The following CMC1 variants were observed in gnomAD, a reference collection of about 807,000 sequenced individuals.
The protein encoded by CMC1 is COX assembly mitochondrial protein homolog.
Under a neutral mutation model 14.1 loss-of-function variants are expected in CMC1, and 14 were observed. The ratio of observed to expected loss-of-function variants is 0.99; its 90% confidence interval spans 0.66 to 1.55. The LOEUF (loss-of-function observed/expected upper bound fraction) is 1.55. Among genes scored for constraint, CMC1 ranks in the 40% most tolerant of loss-of-function variants. The pLI, the probability that CMC1 is intolerant of heterozygous loss-of-function variation, is 0.00. For missense variants in CMC1, 127 were observed against 123.8 expected (o/e 1.03, Z -0.12); for synonymous variants, 50 against 38.4 (o/e 1.30, Z -1.12).
At chr3:28,290,391 AG>A (rs1701410554) in intron 2 of CMC1, among the ~76,000 whole-genome samples, 1 of 152,110 alleles carries the variant, frequency 6.6e-6, no homozygotes, top group African/African-American at 2.4e-5. Context: ...TAATATTGTC[AG>A]GTCGTATTTT....
intron 1 of CMC1, among the ~76,000 whole-genome samples, chr3:28,262,282 T>C (rs930882493): frequency 2.0e-5 from 3 of 152,142 alleles, no homozygotes; most frequent in Non-Finnish European, 4.4e-5. Flanking sequence ...CATGGTCCAT[T>C]GCTGTCTGAG....
intron 2 of CMC1, among the ~76,000 whole-genome samples, chr3:28,268,116 A>G (rs1243298088): frequency 1.3e-5 from 2 of 152,216 alleles, no homozygotes; most frequent in Admixed American, 1.3e-4. Flanking sequence ...AAGAAATACA[A>G]GTAGATATAA....
At chr3:28,261,876 T>C (rs985324219) in intron 1 of CMC1, among the ~76,000 whole-genome samples, 1 of 152,292 alleles carries the variant, frequency 6.6e-6, no homozygotes, top group South Asian at 2.1e-4. Flanking sequence ...TCCAAAATAT[T>C]GTATTTTCAA....
intron 2 of CMC1, among the ~76,000 whole-genome samples, chr3:28,271,202 G>A (rs1038091481): frequency 1.3e-5 from 2 of 152,116 alleles, no homozygotes; most frequent in Non-Finnish European, 2.9e-5. Context: ...CTGGGTTCCA[G>A]TGATTCTCCA....
chr3:28,308,720 T>TA (rs1559443051), intron 2 of CMC1, among the ~76,000 whole-genome samples: 1 of 152,104 alleles, frequency 6.6e-6, no homozygotes, highest in East Asian at 1.9e-4. Flanking sequence ...CATGGTGGCT[T>TA]ACGCCTGTAA....
chr3:28,287,995 G>A (rs1017386954), intron 2 of CMC1, among the ~76,000 whole-genome samples: 1 of 151,666 alleles, frequency 6.6e-6, no homozygotes, highest in Admixed American at 6.6e-5. Flanking sequence ...ATTGAGTCTC[G>A]TAGTGGTACT....
At chr3:28,307,236 T>C (rs1702367110) in intron 2 of CMC1, among the ~76,000 whole-genome samples, 1 of 152,172 alleles carries the variant, frequency 6.6e-6, no homozygotes, top group Non-Finnish European at 1.5e-5. Context: ...AAATGTCTAA[T>C]GGGATGAGAA....
intron 2 of CMC1, among the ~76,000 whole-genome samples, chr3:28,302,846 T>C (rs1350080690): frequency 6.6e-6 from 1 of 152,178 alleles, no homozygotes; most frequent in Non-Finnish European, 1.5e-5. Flanking sequence ...TGTGACCTCA[T>C]GTGTGAGATA....
Position 28,324,327 on chromosome 3 carries a change from G to C in CMC1, c.*4698G>C. 6.2e-7 allele frequency: 1 copy of C among 1,605,132 alleles called. No individual in the cohort carries two copies. The highest frequency in any genetic ancestry group is 8.5e-7 in the Non-Finnish European group (1 of 1,174,668). On this transcript the variant is annotated 3_prime_UTR_variant, in exon 4 of 4. Coordinates refer to ENST00000466830, the MANE Select transcript of CMC1 (RefSeq NM_182523.2). ...CATCTCCTGGTAAAGGGGAAGATGT[G>C]GTATGACAAAGAGCTTTGCCATTTG... is the stretch of plus-strand genomic sequence containing the variant.
chr3:28,269,140 G>A (rs1700146785), intron 2 of CMC1, among the ~76,000 whole-genome samples: 1 of 152,126 alleles, frequency 6.6e-6, no homozygotes, highest in African/African-American at 2.4e-5. Flanking sequence ...AATAAACATA[G>A]TATACATAGG....
At chr3:28,283,357 TAAA>T (rs563565277) in intron 2 of CMC1, among the ~76,000 whole-genome samples, 1 of 142,644 alleles carries the variant, frequency 7.0e-6, no homozygotes, top group Non-Finnish European at 1.5e-5. Context: ...CTACTAAAAA[TAAA>T]AAAAAAAAAT....
At chr3:28,308,989 A>G (rs1702479913) in intron 2 of CMC1, among the ~76,000 whole-genome samples, 2 of 30,224 alleles carry the variant, frequency 6.6e-5, no homozygotes, top group African/African-American at 1.3e-4. Flanking sequence ...CTCAAAAAAA[A>G]ATAAATAAAT....
Position 28,295,414 on chromosome 3 carries a change from C to T in CMC1, c.110-20919C>T, listed in dbSNP as rs146551086. On this transcript the variant is annotated intron_variant, in intron 2 of 3. Transcript: ENST00000466830. ...TGTATAGAATTAGAAACTTCAGTATCGGTATCACATCACTGGCTATAAAAA... is the reference window on the plus strand; with the variant it reads ...TGTATAGAATTAGAAACTTCAGTATTGGTATCACATCACTGGCTATAAAAA... 3.7e-3 allele frequency among the ~76,000 whole-genome samples: 563 copies of T among 152,130 alleles called. 2 individuals are homozygous for T. The highest frequency in any genetic ancestry group is 6.0e-3 in the Non-Finnish European group (410 of 67,974).
chr3:28,292,565 A>G (rs1019848644), intron 2 of CMC1, among the ~76,000 whole-genome samples: 17 of 152,138 alleles, frequency 1.1e-4, no homozygotes, highest in Non-Finnish European at 1.9e-4. Flanking sequence ...TTTAGTGATG[A>G]TAGTCTCATT....
chr3:28,267,767 G>A (rs1700081872), intron 2 of CMC1, among the ~76,000 whole-genome samples: 1 of 152,186 alleles, frequency 6.6e-6, no homozygotes, highest in Non-Finnish European at 1.5e-5. Context: ...AAACAATCAA[G>A]TCAAGAATGC....
intron 2 of CMC1, chr3:28,291,678 G>A (rs1701476169): frequency 6.6e-6 from 1 of 152,124 alleles, no homozygotes; most frequent in South Asian, 2.1e-4. Context: ...AATTGTGGGT[G>A]AATGCTCTTT....
At chr3:28,253,307 G>A (rs1416190101) in intron 1 of CMC1, among the ~76,000 whole-genome samples, 1 of 152,090 alleles carries the variant, frequency 6.6e-6, no homozygotes, top group East Asian at 1.9e-4. Context: ...GTCGGACGTG[G>A]CAGCTCACTC....
intron 2 of CMC1, among the ~76,000 whole-genome samples, chr3:28,310,423 A>G (rs1270165577): frequency 1.3e-5 from 2 of 152,242 alleles, no homozygotes; most frequent in Non-Finnish European, 2.9e-5. Flanking sequence ...AAATGAGAAA[A>G]TACTTAAATA....
At position 28,320,300 on chromosome 3, in the gene CMC1, T is replaced by C. The variant is rs182846084; in HGVS notation, c.*671T>C. The C allele has an allele frequency of 7.9e-5, 12 of 151,710 alleles. No individual in the cohort carries two copies. The highest frequency in any genetic ancestry group is 6.6e-4 in the Admixed American group (10 of 15,174). The allele number at this position is 151,710 out of a possible 1,614,324, so 9.4% of individuals were successfully genotyped here. ...AGGTAATTTATAAGAAAAGTTTGTT[T>C]GGCTCACAGTTCTGGAGTTTATTTG... On this transcript the variant is annotated 3_prime_UTR_variant, in exon 4 of 4. Transcript: ENST00000466830.
Sources: gnomAD v4.1 joint callset for allele counts (sites outside exome capture counted in the v4.1 genomes callset) on GRCh38, gnomAD v4.1.1 for gene constraint, MANE v1.5 for transcripts, NCBI Gene and HGNC (gene_info 2026-07-23, HGNC 2026-07-21) for gene names.